SETDB1: variants seen among roughly 807,000 people sequenced by gnomAD.
SETDB1 encodes the protein SET domain bifurcated histone lysine methyltransferase 1.
A neutral mutation model predicts 137.4 loss-of-function variants in SETDB1; 31 were observed. The observed-to-expected ratio is 0.23, with a 90% confidence interval of 0.17 to 0.30. The LOEUF (loss-of-function observed/expected upper bound fraction) is 0.30, where lower values mean the gene tolerates loss of function less well. Among genes scored for constraint, SETDB1 ranks in the 10% least tolerant of loss-of-function variants. The pLI is 1.00. For synonymous variants in SETDB1, 548 were observed against 579.9 expected (o/e 0.95, Z 0.79); for missense variants, 1,113 against 1,631.5 (o/e 0.68, Z 5.47).
At chr1:150,935,292 C>A (rs1669911186) in intron 3 of SETDB1, among the ~76,000 whole-genome samples, 2 of 152,058 alleles carry the variant, frequency 1.3e-5, no homozygotes, top group Admixed American at 1.3e-4. Context: ...TTCTTTTTGT[C>A]TTCTGGTGTT....
At chr1:150,933,368 C>CTTTTTTTTTTTTTTT (rs71090112) in intron 3 of SETDB1, among the ~76,000 whole-genome samples, 8 of 118,888 alleles carry the variant, frequency 6.7e-5, no homozygotes, top group Admixed American at 1.0e-4. Context: ...CCTATTTTGT[C>CTTTTTTTTTTTTTTT]TTTTTTTTTT....
In SETDB1 at chr1:150,927,827, A is replaced by C; in HGVS notation, c.113A>C (p.Glu38Ala). 6.2e-7 allele frequency: 1 copy of C among 1,614,164 alleles called. No homozygotes were observed. The highest frequency in any genetic ancestry group is 8.5e-7 in the Non-Finnish European group (1 of 1,180,042). ...GTTGAGGAACTGGGTATCTCTATGG[A>C]GGAACTTCGGCATTTCATCGATGAG... ...AVVEELGISM[E>A]ELRHFIDEEL... is the part of the protein sequence containing the mutation. Residue 38 changes from glutamate to alanine, a missense_variant, in exon 2 of 22, where the codon GAG becomes GCG. Transcript: ENST00000692827.
At chr1:150,943,651 G>T (rs1316539242) in intron 7 of SETDB1, among the ~76,000 whole-genome samples, 1 of 152,194 alleles carries the variant, frequency 6.6e-6, no homozygotes, top group East Asian at 1.9e-4. Context: ...ACCCCAGCCT[G>T]GGCGACAGAA....
intron 12 of SETDB1, among the ~76,000 whole-genome samples, chr1:150,950,226 CT>C (rs35016751): frequency 0.98 from 148,133 of 151,796 alleles, 72,354 homozygotes; most frequent in Non-Finnish European, 1. Flanking sequence ...AAGAGCGAAA[CT>C]TGTCTCAAAA....
intron 3 of SETDB1, among the ~76,000 whole-genome samples, chr1:150,934,867 G>A (rs1669899340): frequency 6.6e-6 from 1 of 151,606 alleles, no homozygotes; most frequent in Non-Finnish European, 1.5e-5. Flanking sequence ...TGTTGCCCAG[G>A]CTGGAGTGCA....
chr1:150,962,799 ACT>A (rs1670865107), intron 18 of SETDB1, 80 bp downstream of exon 18: 7 of 1,513,640 alleles, frequency 4.6e-6, no homozygotes, highest in Non-Finnish European at 6.4e-6. Context: ...CACTATAATT[ACT>A]GTTAGGTCTT....
At chr1:150,943,300 CAG>C (rs781338629) in intron 7 of SETDB1, among the ~76,000 whole-genome samples, 33 of 151,982 alleles carry the variant, frequency 2.2e-4, no homozygotes, top group Non-Finnish European at 4.0e-4. Flanking sequence ...GATTAATGGT[CAG>C]GGGAATACAA....
chr1:150,951,521 G>A, intron 14 of SETDB1, 40 bp downstream of exon 14: 1 of 1,039,692 alleles, frequency 9.6e-7, no homozygotes, highest in South Asian at 1.4e-5. Context: ...CAGAGAGACT[G>A]AGGAGCATGT....
intron 18 of SETDB1, 123 bp from the exon 19 acceptor site, chr1:150,962,851 T>C (rs1350643152): frequency 6.2e-6 from 9 of 1,457,672 alleles, no homozygotes; most frequent in Non-Finnish European, 8.5e-6. Context: ...CTTATTTTCT[T>C]TCATCCAGCA....
At chr1:150,926,924 A>G in intron 1 of SETDB1, 1 of 488,372 alleles carries the variant, frequency 2.0e-6, no homozygotes, top group Admixed American at 2.5e-5. Flanking sequence ...AAAATTCCAC[A>G]TGGAAGCAAA....
chr1:150,930,083 C>T lies in SETDB1; in HGVS notation c.377C>T (p.Pro126Leu). The T allele has an allele frequency of 6.2e-7, 1 of 1,614,042 alleles. No homozygotes were observed. Among genetic ancestry groups the T allele is most frequent in the Non-Finnish European group, 8.5e-7 (1 of 1,179,950 alleles). The change falls in exon 3 of 22, where the codon CCT (proline) becomes CTT (leucine). Residue 126 changes from proline to leucine, a missense_variant. Around this residue, in one of 11 missense-constraint regions of SETDB1, gnomAD observed 159 missense variants for 188.6 expected, o/e 0.84. Transcript: ENST00000692827. ...CGGCCTACAGAAATAATTGAGATTC[C>T]TGATGAAGATGATGATGTCCTCAGT... ...SSRPTEIIEI[P>L]DEDDDVLSID... is the part of the protein sequence containing the mutation.
At position 150,962,158 on chromosome 1, in the gene SETDB1, T is replaced by A; in HGVS notation, c.3161T>A (p.Val1054Glu). The change falls in exon 17 of 22, where the codon GTA (valine) becomes GAA (glutamate). Residue 1054 changes from valine (V) to glutamate (E), a missense_variant and splice_region_variant. Val to Glu is a moderately radical substitution (Grantham distance 121). This residue lies in a region of SETDB1 where 373 missense variants were observed against 412.7 expected (regional missense o/e 0.90). Coordinates refer to ENST00000692827, the MANE Select transcript of SETDB1 (RefSeq NM_001366418.1). ...EDTDDRNKMSVVTESSRNYGY... is the reference protein window; with the variant it reads ...EDTDDRNKMSEVTESSRNYGY... ...ACTGACGACCGAAACAAGATGTCAG[T>A]GTAAGTGCCTTTTGTTTTGTTTTGT... 6.2e-7 allele frequency: 1 copy of A among 1,613,984 alleles called. No homozygotes were observed. Among genetic ancestry groups the A allele is most frequent in the South Asian group, 1.1e-5 (1 of 91,082 alleles).
chr1:150,928,169 C>T lies in SETDB1; in HGVS notation c.260+195C>T, dbSNP rs1416626790. ...ACCTCTCGGGTTCAAGTGATTCTCC[C>T]ACCTCCCCCTCCCGAGTAGCTGGAA... On this transcript the variant is annotated intron_variant, in intron 2 of 21. Transcript: ENST00000692827. 7 of 590,834 alleles carry T rather than the reference C, an allele frequency of 1.2e-5. No individual in the cohort carries two copies. The Admixed American group carries it at 2.2e-4, about 19-fold the overall frequency. 36.6% of individuals were successfully genotyped at this position (590,834 alleles called of 1,614,324 possible). A position where few individuals can be genotyped will look rare whatever the true frequency, so the allele number is the denominator to read the frequency against.
intron 3 of SETDB1, among the ~76,000 whole-genome samples, chr1:150,939,001 C>A (rs1462605703): frequency 1.3e-5 from 2 of 152,154 alleles, no homozygotes; most frequent in East Asian, 3.9e-4. Flanking sequence ...TGCAATGGTG[C>A]AGTCTTGGCT....
At chr1:150,937,322 G>A (rs774973943) in intron 3 of SETDB1, among the ~76,000 whole-genome samples, 4 of 152,146 alleles carry the variant, frequency 2.6e-5, no homozygotes, top group Non-Finnish European at 4.4e-5. Context: ...GCTGCCAGGG[G>A]CTGGAGGGAG....
At chr1:150,938,186 A>G (rs1160758498) in intron 3 of SETDB1, among the ~76,000 whole-genome samples, 1 of 148,740 alleles carries the variant, frequency 6.7e-6, no homozygotes, top group Non-Finnish European at 1.5e-5. Flanking sequence ...ACACTACTGC[A>G]CTCCAGTCTG....
chr1:150,955,575 CAG>C (rs1471799479), intron 14 of SETDB1, among the ~76,000 whole-genome samples: 2 of 152,262 alleles, frequency 1.3e-5, no homozygotes, highest in African/African-American at 2.4e-5. Context: ...GTCACCTCCT[CAG>C]AGAGACCTTC....
intron 9 of SETDB1, among the ~76,000 whole-genome samples, chr1:150,945,858 G>A (rs1010644155): frequency 2.0e-5 from 3 of 151,824 alleles, no homozygotes; most frequent in Non-Finnish European, 4.4e-5. Context: ...CGGGTAGCTG[G>A]GACTGGCTAA....
At chr1:150,935,290 G>T (rs1558012953) in intron 3 of SETDB1, among the ~76,000 whole-genome samples, 1 of 152,068 alleles carries the variant, frequency 6.6e-6, no homozygotes, top group Non-Finnish European at 1.5e-5. Flanking sequence ...TTTTCTTTTT[G>T]TCTTCTGGTG....
Sources: gnomAD v4.1 joint callset for allele counts (sites outside exome capture counted in the v4.1 genomes callset) on GRCh38, gnomAD v4.1.1 for gene constraint, gnomAD v4.1.1 regional missense constraint, MANE v1.5 for transcripts, NCBI Gene and HGNC (gene_info 2026-07-23, HGNC 2026-07-21) for gene names.